The following HS3ST2 variants were observed in gnomAD, a reference collection of about 807,000 sequenced individuals.
HS3ST2 encodes heparan sulfate-glucosamine 3-sulfotransferase 2.
A neutral mutation model predicts 26.3 loss-of-function variants in HS3ST2; 17 were observed. That is an observed-to-expected ratio of 0.65 (90% CI 0.44 to 0.97). The LOEUF (loss-of-function observed/expected upper bound fraction) is 0.97. HS3ST2 is among the 50% of genes least tolerant of loss of function. HS3ST2 has a pLI of 0.00. For missense variants in HS3ST2, 402 were observed against 501.2 expected, an observed-to-expected ratio of 0.80 and a Z score of 1.89; for synonymous variants, 237 against 219.2, an observed-to-expected ratio of 1.08 and a Z score of -0.72.
At chr16:22,866,821 A>G (rs1014483558) in intron 1 of HS3ST2, among the ~76,000 whole-genome samples, 8 of 152,160 alleles carry the variant, frequency 5.3e-5, no homozygotes, top group African/African-American at 1.4e-4. Flanking sequence ...AAGATAAAAA[A>G]TTTGCATGAA....
At chr16:22,902,666 T>C (rs7201204) in intron 1 of HS3ST2, among the ~76,000 whole-genome samples, 2,360 of 152,360 alleles carry the variant, frequency 0.015, 63 homozygotes, top group African/African-American at 0.053. Flanking sequence ...CTACCAAAAT[T>C]AGGAGAGTGT....
intron 1 of HS3ST2, among the ~76,000 whole-genome samples, chr16:22,897,101 G>A (rs1348151120): frequency 2.0e-5 from 3 of 152,162 alleles, no homozygotes; most frequent in Non-Finnish European, 4.4e-5. Flanking sequence ...GTGCCACCAC[G>A]CTAGCCTTGT....
At position 22,915,206 on chromosome 16, in the gene HS3ST2, A is replaced by G; in HGVS notation, c.748A>G (p.Ile250Val). ...LVDVSWNAIR[I>V]GMYVLHLESW... ...GGACGTGTCATGGAACGCCATCCGC[A>G]TCGGCATGTACGTGCTGCACCTGGA... The change falls in exon 2 of 2, where the codon ATC becomes GTC. Residue 250 changes from isoleucine to valine, a missense_variant. By Grantham distance (29) the Ile-to-Val change is conservative. Around this residue, in one of 2 missense-constraint regions of HS3ST2, gnomAD observed 237 missense variants for 346.6 expected, o/e 0.68. Transcript: ENST00000261374. 1 of 1,614,160 alleles carries G rather than the reference A, an allele frequency of 6.2e-7. No homozygotes were observed. Among genetic ancestry groups the G allele is most frequent in the South Asian group, 1.1e-5 (1 of 91,078 alleles).
intron 1 of HS3ST2, among the ~76,000 whole-genome samples, chr16:22,815,734 G>C (rs755747073): frequency 1.3e-5 from 2 of 152,138 alleles, no homozygotes; most frequent in Non-Finnish European, 2.9e-5. Flanking sequence ...CGAGTCTTGG[G>C]TCTGTCACTT....
intron 1 of HS3ST2, among the ~76,000 whole-genome samples, chr16:22,859,565 C>G (rs1233876936): frequency 3.9e-5 from 6 of 152,188 alleles, no homozygotes; most frequent in Non-Finnish European, 8.8e-5. Flanking sequence ...ACTGTGCCCA[C>G]TCTCCTATCT....
rs115938185 is a variant in HS3ST2, at chr16:22,887,803, G to T, written c.486-27141G>T. 6.2e-3 allele frequency among the ~76,000 whole-genome samples: 909 copies of T among 146,180 alleles called. 10 individuals carry two copies. Among genetic ancestry groups the T allele is most frequent in the African/African-American group, 0.021 (863 of 40,316 alleles). On this transcript the variant is annotated intron_variant, in intron 1 of 1. Transcript: ENST00000261374. The stretch of plus-strand genomic sequence containing the variant: ...CTCTACGGGAAAAAAAAAAAAACTA[G>T]CCAGGCATGGTTGTATGTGCATACA...
intron 1 of HS3ST2, among the ~76,000 whole-genome samples, chr16:22,898,176 A>T (rs1902231956): frequency 6.6e-6 from 1 of 152,244 alleles, no homozygotes; most frequent in African/African-American, 2.4e-5. Flanking sequence ...CAAGGACTGA[A>T]GATACCACAG....
chr16:22,844,805 C>T (rs1385944426), intron 1 of HS3ST2, among the ~76,000 whole-genome samples: 1 of 152,068 alleles, frequency 6.6e-6, no homozygotes, highest in Non-Finnish European at 1.5e-5. Flanking sequence ...CCCAGCCATG[C>T]TTCCTGTACA....
At chr16:22,896,767 C>G (rs1902216670) in intron 1 of HS3ST2, among the ~76,000 whole-genome samples, 1 of 152,024 alleles carries the variant, frequency 6.6e-6, no homozygotes, top group African/African-American at 2.4e-5. Context: ...TGTCTTTTCT[C>G]TTTCTTTCTT....
chr16:22,815,159 C>T, intron 1 of HS3ST2, 64 bp downstream of exon 1: 3 of 1,583,694 alleles, frequency 1.9e-6, no homozygotes, highest in South Asian at 2.3e-5. Flanking sequence ...GAGAGCCATC[C>T]GTCTCTTGTG....
intron 1 of HS3ST2, among the ~76,000 whole-genome samples, chr16:22,854,083 A>G (rs978840486): frequency 5.9e-5 from 9 of 152,136 alleles, no homozygotes; most frequent in Non-Finnish European, 1.0e-4. Context: ...TGGGTATTGA[A>G]CTTCCTGAGC....
At chr16:22,867,755 A>G (rs1901777260) in intron 1 of HS3ST2, among the ~76,000 whole-genome samples, 1 of 152,252 alleles carries the variant, frequency 6.6e-6, no homozygotes, top group African/African-American at 2.4e-5. Context: ...AATATTTGGA[A>G]GGATATTTTG....
intron 1 of HS3ST2, among the ~76,000 whole-genome samples, chr16:22,911,228 G>C (rs985665199): frequency 1.3e-5 from 2 of 152,170 alleles, no homozygotes; most frequent in Non-Finnish European, 2.9e-5. Flanking sequence ...AGGCTGGAAG[G>C]ATGCATTATT....
intron 1 of HS3ST2, among the ~76,000 whole-genome samples, chr16:22,889,068 C>T (rs1033281274): frequency 1.3e-5 from 2 of 152,318 alleles, no homozygotes; most frequent in East Asian, 1.9e-4. Flanking sequence ...GTATAACAGC[C>T]GTGGCATCGT....
intron 1 of HS3ST2, among the ~76,000 whole-genome samples, chr16:22,843,750 CCTGTT>C (rs1267866911): frequency 6.6e-6 from 1 of 152,132 alleles, no homozygotes; most frequent in African/African-American, 2.4e-5. Context: ...CTCCCTGAAT[CCTGTT>C]CTGTTGGGTT....
At chr16:22,885,153 T>C (rs893802013) in intron 1 of HS3ST2, among the ~76,000 whole-genome samples, 17 of 152,018 alleles carry the variant, frequency 1.1e-4, no homozygotes, top group Admixed American at 7.9e-4. Flanking sequence ...CATTTTTCAC[T>C]CTTATGTGAC....
Position 22,910,690 on chromosome 16 carries a change from A to T in HS3ST2, c.486-4254A>T, listed in dbSNP as rs78964434. On this transcript the variant is annotated intron_variant, in intron 1 of 1. Transcript: ENST00000261374. ...TAAATACGATTTCAACTTTCAACCA[A>T]AAAGGGTCTACATAGACTTTGGGCC... 2.9e-3 allele frequency among the ~76,000 whole-genome samples: 442 copies of T among 152,288 alleles called. 11 individuals are homozygous for T. In the East Asian group the frequency reaches 0.033, roughly 11 times the overall value.
intron 1 of HS3ST2, among the ~76,000 whole-genome samples, chr16:22,818,688 TTGCC>T (rs1400356634): frequency 2.1e-5 from 2 of 95,488 alleles, no homozygotes; most frequent in Non-Finnish European, 2.0e-5. Flanking sequence ...CCCTCCCTCC[TTGCC>T]TGCCTTCCTT....
intron 1 of HS3ST2, among the ~76,000 whole-genome samples, chr16:22,823,511 G>T (rs1416889824): frequency 6.6e-6 from 1 of 152,048 alleles, no homozygotes; most frequent in Non-Finnish European, 1.5e-5. Context: ...ATCCAATGAT[G>T]GGCTGGGTGC....
Sources: gnomAD v4.1 joint callset for allele counts (sites outside exome capture counted in the v4.1 genomes callset) on GRCh38, gnomAD v4.1.1 for gene constraint, gnomAD v4.1.1 regional missense constraint, MANE v1.5 for transcripts, NCBI Gene and HGNC (gene_info 2026-07-23, HGNC 2026-07-21) for gene names.